Variants in RNF150 observed in about 807,000 individuals in gnomAD.
The protein encoded by RNF150 is ring finger protein 150.
A neutral mutation model predicts 39.3 loss-of-function variants in RNF150; 24 were observed. The ratio of observed to expected loss-of-function variants is 0.61; its 90% CI spans 0.44 to 0.86. RNF150 has a LOEUF of 0.86. RNF150 is among the 40% of genes least tolerant of loss of function. RNF150 has a pLI of 0.00. For synonymous variants in RNF150, 255 were observed against 227.3 expected (o/e 1.12, Z -1.10); for missense variants, 502 against 587.8 (o/e 0.85, Z 1.51).
chr4:141,073,672 A>G lies in RNF150; in HGVS notation c.484+58653T>C, dbSNP rs1395806657. The stretch of plus-strand genomic sequence containing the variant: ...AATACAATATCAAGCTCGGGGGGGG[A>G]AGTCTAGGGAAAAATGGCAGGCAAG... On this transcript the variant is annotated intron_variant, in intron 1 of 6. Transcript: ENST00000515673. Among the ~76,000 whole-genome samples, 6 of 146,920 alleles carry G rather than the reference A, an allele frequency of 4.1e-5. No individual in the cohort carries two copies. In the East Asian group the frequency reaches 5.9e-4, roughly 15 times the overall value.
intron 1 of RNF150, among the ~76,000 whole-genome samples, chr4:141,055,249 A>G (rs1402375902): frequency 6.6e-6 from 1 of 152,156 alleles, no homozygotes; most frequent in East Asian, 1.9e-4. Context: ...TACTCTATTG[A>G]TGGCTTAATC....
chr4:141,211,884 T>G (rs1728474400), intron 1 of RNF150, among the ~76,000 whole-genome samples: 1 of 152,142 alleles, frequency 6.6e-6, no homozygotes, highest in South Asian at 2.1e-4. Context: ...TCAGGCAGAG[T>G]TGTAATAATC....
At chr4:141,134,573 C>G (rs1726994090), upstream of RNF150, among the ~76,000 whole-genome samples, 1 of 152,194 alleles carries the variant, frequency 6.6e-6, no homozygotes, top group Admixed American at 6.5e-5. Context: ...GCAGTACAAA[C>G]AGCTGATGGC....
At chr4:140,896,715 AACAAAC>A (rs569778123) in intron 6 of RNF150, among the ~76,000 whole-genome samples, 44,693 of 115,758 alleles carry the variant, frequency 0.39, 7,996 homozygotes, top group East Asian at 0.58. Flanking sequence ...AAAACAAACA[AACAAAC>A]AAAAAAAAAT....
chr4:141,109,604 G>C (rs778332131), intron 1 of RNF150, among the ~76,000 whole-genome samples: 2 of 151,988 alleles, frequency 1.3e-5, no homozygotes, highest in African/African-American at 2.4e-5. Context: ...AATTTAAGAT[G>C]GGCCTTGAAG....
At chr4:141,037,101 T>C (rs1443036782) in intron 1 of RNF150, among the ~76,000 whole-genome samples, 1 of 152,196 alleles carries the variant, frequency 6.6e-6, no homozygotes, top group Non-Finnish European at 1.5e-5. Context: ...ATACACATGA[T>C]CGTAGATTGT....
At position 140,873,294 on chromosome 4, in the gene RNF150, T is replaced by C. The variant is rs575484106; in HGVS notation, c.1199-4915A>G. Reference sequence around the variant, plus strand: ...CCCAAGGAACACAGGCTCCAGGTCATCACAGTCACCAAATGGGCTAAATCA... The same window carrying C: ...CCCAAGGAACACAGGCTCCAGGTCACCACAGTCACCAAATGGGCTAAATCA... On this transcript the variant is annotated intron_variant, in intron 6 of 6. Transcript: ENST00000515673. 2.6e-5 allele frequency among the ~76,000 whole-genome samples: 4 copies of C among 152,266 alleles called. No homozygotes were observed. In the South Asian group the frequency reaches 8.3e-4, roughly 32 times the overall value.
At chr4:140,936,037 T>C (rs1731853243) in intron 4 of RNF150, among the ~76,000 whole-genome samples, 1 of 152,236 alleles carries the variant, frequency 6.6e-6, no homozygotes, top group Non-Finnish European at 1.5e-5. Flanking sequence ...TCATAAAGTA[T>C]GTATTCTTTT....
intron 6 of RNF150, among the ~76,000 whole-genome samples, chr4:140,889,480 A>G (rs961499472): frequency 6.6e-6 from 1 of 152,192 alleles, no homozygotes; most frequent in Admixed American, 6.6e-5. Flanking sequence ...CATTCCTCCT[A>G]ACCCCAATCA....
At chr4:140,915,052 G>T (rs979479189) in intron 5 of RNF150, among the ~76,000 whole-genome samples, 2 of 152,172 alleles carry the variant, frequency 1.3e-5, no homozygotes, top group Non-Finnish European at 2.9e-5. Context: ...ACTATTCAAA[G>T]GAGAATCAGG....
intron 1 of RNF150, among the ~76,000 whole-genome samples, chr4:141,076,265 C>T (rs181675588): frequency 8.3e-4 from 126 of 152,254 alleles, no homozygotes; most frequent in African/African-American, 3.0e-3. Flanking sequence ...TTCATTTTGC[C>T]TCTCTACTAC....
rs1286641548 is a variant in RNF150, at chr4:140,949,495, C to G, written c.736-123G>C. 3 of 731,386 alleles carry G rather than the reference C, an allele frequency of 4.1e-6. No homozygotes were observed. The East Asian group carries it at 7.7e-5, about 19-fold the overall frequency. 45.3% of individuals were successfully genotyped at this position (731,386 alleles called of 1,614,324 possible). A position where few individuals can be genotyped will look rare whatever the true frequency, so the allele number is the denominator to read the frequency against. ...CATGCACATGTGGTATGAATGCTAG[C>G]AATGACGACTAGAAAAGACAGGGCA... On this transcript the variant is annotated intron_variant, in intron 2 of 6. Coordinates refer to ENST00000515673, the MANE Select transcript of RNF150 (RefSeq NM_020724.2).
chr4:140,989,538 T>C (rs1358544586), intron 1 of RNF150, among the ~76,000 whole-genome samples: 1 of 152,124 alleles, frequency 6.6e-6, no homozygotes, highest in Non-Finnish European at 1.5e-5. Context: ...CTTTAAAACA[T>C]TTAGAAAGAT....
At chr4:141,061,834 C>T (rs1037859946) in intron 1 of RNF150, among the ~76,000 whole-genome samples, 1 of 152,062 alleles carries the variant, frequency 6.6e-6, no homozygotes, top group Non-Finnish European at 1.5e-5. Flanking sequence ...CATATTCTAC[C>T]GATTCACAAA....
intron 6 of RNF150, among the ~76,000 whole-genome samples, chr4:140,896,698 AAACAAAAAAAC>A (rs1385942297): frequency 9.2e-6 from 1 of 109,064 alleles, no homozygotes; most frequent in Non-Finnish European, 1.8e-5. Context: ...AAAAAAAAAA[AAACAAAAAAAC>A]AAACAAACAA....
At chr4:141,138,095 G>GC (rs2111121613), upstream of RNF150, among the ~76,000 whole-genome samples, 1 of 152,318 alleles carries the variant, frequency 6.6e-6, no homozygotes, top group African/African-American at 2.4e-5. Flanking sequence ...CCTTGACGCT[G>GC]CTTTTGCTTC....
intron 1 of RNF150, among the ~76,000 whole-genome samples, chr4:141,048,669 G>A (rs1560708985): frequency 1.3e-5 from 2 of 152,094 alleles, no homozygotes; most frequent in Admixed American, 1.3e-4. Flanking sequence ...GGAGTTCAAG[G>A]CTGCAGTGAG....
chr4:141,108,411 T>C (rs1362783677), intron 1 of RNF150, among the ~76,000 whole-genome samples: 2 of 152,224 alleles, frequency 1.3e-5, no homozygotes, highest in Admixed American at 1.3e-4. Context: ...ATCAATATTT[T>C]ACAGTTATAT....
At chr4:141,054,599 A>T (rs1736897793) in intron 1 of RNF150, among the ~76,000 whole-genome samples, 1 of 152,124 alleles carries the variant, frequency 6.6e-6, no homozygotes. Flanking sequence ...TTGGCCTTTT[A>T]ATTAGAGTAA....
Sources: allele counts gnomAD v4.1 joint callset (sites outside exome capture counted in the v4.1 genomes callset), GRCh38; gene constraint gnomAD v4.1.1; transcripts MANE v1.5; gene names NCBI Gene and HGNC (gene_info 2026-07-23, HGNC 2026-07-21).